LRP1: variants seen among roughly 807,000 people sequenced by gnomAD.
LRP1 encodes the protein LDL receptor related protein 1.
Under a neutral mutation model 541.5 loss-of-function variants are expected in LRP1, and 51 were observed. That is an observed-to-expected ratio of 0.09 (90% CI 0.08 to 0.12). The LOEUF (loss-of-function observed/expected upper bound fraction) is 0.12, where lower values mean the gene tolerates loss of function less well. LRP1 is among the 10% of genes least tolerant of loss of function. LRP1 has a pLI of 1.00. For missense variants in LRP1, 3,878 were observed against 6,376.2 expected (o/e 0.61, Z 13.34); for synonymous variants, 2,219 against 2,470.8 (o/e 0.90, Z 3.02).
rs2036629043 is a variant in LRP1 at position 57,200,611 on chromosome 12, C to CT, written c.10108+77dup. 4 of 1,544,678 alleles carry CT rather than the reference C, an allele frequency of 2.6e-6. No individual in the cohort carries two copies. In the South Asian group the frequency reaches 4.5e-5, roughly 17 times the overall value. ...TGACTCCTGAGGCTTTGAATGGCCA[C>CT]TGGAGAGGCTGGGGCTGTGGTGCCC... is the stretch of plus-strand genomic sequence containing the variant. On this transcript the variant is annotated intron_variant, in intron 63 of 88. Coordinates refer to ENST00000243077, the MANE Select transcript of LRP1 (RefSeq NM_002332.3).
At chr12:57,136,558 C>A (rs17547610) in intron 1 of LRP1, among the ~76,000 whole-genome samples, 17,834 of 152,256 alleles carry the variant, frequency 0.12, 1,325 homozygotes, top group Non-Finnish European at 0.16. Context: ...ATAGAGCTGG[C>A]CTTCAGTGTG....
intron 6 of LRP1, among the ~76,000 whole-genome samples, chr12:57,151,592 C>G (rs2035526489): frequency 6.6e-6 from 1 of 152,240 alleles, no homozygotes; most frequent in Admixed American, 6.5e-5. Context: ...GTTGGTGGAG[C>G]CAGAATGCTC....
Position 57,162,715 on chromosome 12 carries a change from C to A in LRP1, c.2405-143C>A. ...TTCCCTTCCTGCCCCATGTCTGTGT[C>A]TCCTGTTCTTCAACATGATCTTCTT... is the stretch of plus-strand genomic sequence containing the variant. On this transcript the variant is annotated intron_variant, in intron 14 of 88. Transcript: ENST00000243077. This position sits in a 1 kb window ranked among gnomAD's most constrained non-coding sequence, Gnocchi z 5.2. 9.1e-7 allele frequency: 1 copy of A among 1,093,120 alleles called. No homozygotes were observed. Among genetic ancestry groups the A allele is most frequent in the Non-Finnish European group, 1.3e-6 (1 of 762,368 alleles). The allele number at this position is 1,093,120 out of a possible 1,614,324, so 67.7% of individuals were successfully genotyped here. A position where few individuals can be genotyped will look rare whatever the true frequency, so the allele number is the denominator to read the frequency against.
Position 57,160,937 on chromosome 12 carries a change from G to T in LRP1, c.2024G>T (p.Arg675Leu). 4 of 1,613,926 alleles carry T rather than the reference G, an allele frequency of 2.5e-6. No homozygotes were observed. The highest frequency in any genetic ancestry group is 3.4e-6 in the Non-Finnish European group (4 of 1,180,006). ...TGGGAGGAGGACCCCAAGGACAGTC[G>T]GCGTGGGCGGCTGGAGAGGGCGTGG... ...TDWEEDPKDS[R>L]RGRLERAWMD... The change falls in exon 13 of 89, where the codon CGG (arginine) becomes CTG (leucine). Residue 675 changes from arginine to leucine, a missense_variant. Arg to Leu is a moderately radical substitution (Grantham distance 102, BLOSUM62 -2). Coordinates refer to ENST00000243077, the MANE Select transcript of LRP1 (RefSeq NM_002332.3).
rs199860662 is a variant in LRP1 at position 57,211,443 on chromosome 12, C to T, written c.13092-44C>T. On this transcript the variant is annotated intron_variant, in intron 84 of 88. Coordinates refer to ENST00000243077, the MANE Select transcript of LRP1 (RefSeq NM_002332.3). The surrounding 1 kb of genome is among the most constrained non-coding windows in gnomAD (Gnocchi z 4.3). ...CCTCCCTTCCTCAGCATCCCAGGCA[C>T]GCCTCTGCCAGCCCCAGCCCCAGCC... 3.9e-4 allele frequency: 635 copies of T among 1,609,998 alleles called. 1 individual carries two copies. In the East Asian group the frequency reaches 6.4e-3, roughly 16 times the overall value.
chr12:57,166,018 A>T, intron 16 of LRP1, 66 bp from the exon 17 acceptor site: 1 of 1,613,430 alleles, frequency 6.2e-7, no homozygotes, highest in Non-Finnish European at 8.5e-7. Context: ...CAGTGCCTAT[A>T]CTGGAGCGGG....
At chr12:57,176,453 T>A (rs1222292972) in intron 24 of LRP1, among the ~76,000 whole-genome samples, 1 of 152,180 alleles carries the variant, frequency 6.6e-6, no homozygotes, top group Non-Finnish European at 1.5e-5. Context: ...CACCCCAGAC[T>A]TCCTTCAGTC....
intron 1 of LRP1, 88 bp downstream of exon 1, chr12:57,129,119 C>A (rs761534560): frequency 6.6e-6 from 9 of 1,355,954 alleles, no homozygotes; most frequent in Non-Finnish European, 8.2e-6. Context: ...AAGGGAGACG[C>A]GGGAGGGGGT....
intron 15 of LRP1, among the ~76,000 whole-genome samples, chr12:57,163,542 G>A (rs1217799274): frequency 6.6e-6 from 1 of 150,834 alleles, no homozygotes; most frequent in Non-Finnish European, 1.5e-5. Flanking sequence ...TCATGCCACT[G>A]CACTCCAGCC....
Position 57,183,562 on chromosome 12 carries a change from G to T in LRP1, c.5794+52G>T, listed in dbSNP as rs556022723. On this transcript the variant is annotated intron_variant, in intron 35 of 88. Transcript: ENST00000243077. This position sits in a 1 kb window ranked among gnomAD's most constrained non-coding sequence, Gnocchi z 6.1. ...TGGGCGTGGCGTAGGAGCTTTAGGG[G>T]TGGTGTGGTGTGCCCTGAGGGTCCA... The T allele has an allele frequency of 2.5e-5, 39 of 1,576,366 alleles. No homozygotes were observed. In the African/African-American group the frequency reaches 4.7e-4, roughly 19 times the overall value.
At chr12:57,186,087 C>T (rs964154260) in intron 41 of LRP1, among the ~76,000 whole-genome samples, 179 bp downstream of exon 41, 5 of 152,132 alleles carry the variant, frequency 3.3e-5, no homozygotes, top group African/African-American at 1.2e-4. Flanking sequence ...CGTCAGCCCC[C>T]GACTTCCTCC....
intron 3 of LRP1, among the ~76,000 whole-genome samples, chr12:57,141,902 C>T (rs2035299991): frequency 6.6e-6 from 1 of 152,218 alleles, no homozygotes. Flanking sequence ...AGCAGAGGTG[C>T]TGTGACTAAA....
intron 2 of LRP1, 49 bp from the exon 3 acceptor site, chr12:57,141,325 G>A: frequency 6.2e-7 from 1 of 1,611,402 alleles, no homozygotes; most frequent in Non-Finnish European, 8.5e-7. Flanking sequence ...GCTGACCAGA[G>A]AGCCACCATA....
rs969007781 is a variant in LRP1 at position 57,165,131 on chromosome 12, G to A, written c.2531-674G>A. On this transcript the variant is annotated intron_variant, in intron 15 of 88. Transcript: ENST00000243077. This position sits in a 1 kb window ranked among gnomAD's most constrained non-coding sequence, Gnocchi z 4.5. ...CCATGGTCCATGGGATACGGGAGGGGAAATCGCCACCCATGGGGCCATGGG... is the reference window on the plus strand; with the variant it reads ...CCATGGTCCATGGGATACGGGAGGGAAAATCGCCACCCATGGGGCCATGGG... 5.2e-5 allele frequency: 8 copies of A among 152,574 alleles called. No individual in the cohort carries two copies. The highest frequency in any genetic ancestry group is 1.4e-4 in the African/African-American group (6 of 41,442). 9.5% of individuals were successfully genotyped at this position (152,574 alleles called of 1,614,324 possible).
intron 62 of LRP1, 130 bp from the exon 63 acceptor site, chr12:57,200,312 A>G (rs1272703575): frequency 1.0e-5 from 7 of 700,078 alleles, no homozygotes; most frequent in African/African-American, 3.5e-5. Context: ...CGAACTCACC[A>G]TAGCCCAACC....
intron 24 of LRP1, among the ~76,000 whole-genome samples, chr12:57,176,699 G>C (rs1160706758): frequency 6.6e-6 from 1 of 152,152 alleles, no homozygotes; most frequent in Non-Finnish European, 1.5e-5. Flanking sequence ...AGTAAACTGT[G>C]ATGATATCCA....
chr12:57,156,718 T>C lies in LRP1; in HGVS notation c.1418-59T>C. 6.5e-7 allele frequency: 1 copy of C among 1,532,868 alleles called. No individual in the cohort carries two copies. Among genetic ancestry groups the C allele is most frequent in the Non-Finnish European group, 8.8e-7 (1 of 1,131,406 alleles). The allele number at this position is 1,532,868 out of a possible 1,614,324, so 95.0% of individuals were successfully genotyped here. A position where few individuals can be genotyped will look rare whatever the true frequency, so the allele number is the denominator to read the frequency against. Reference sequence around the variant, plus strand: ...GGGTGTGGTCAGATTCAGGAAGCCTTCTCAAGGCCTGGCACAGGGGCTCTG... The same window carrying C: ...GGGTGTGGTCAGATTCAGGAAGCCTCCTCAAGGCCTGGCACAGGGGCTCTG... On this transcript the variant is annotated intron_variant, in intron 9 of 88. Transcript: ENST00000243077. The surrounding 1 kb of genome is among the most constrained non-coding windows in gnomAD (Gnocchi z 5.2).
In LRP1 at chr12:57,167,057, T is replaced by C; in HGVS notation, c.2914+11T>C. ...AGTCTGCTTCGTGTGGTAAGAGGGA[T>C]GGGCAGAGGGAGTCAGGCTGGGCCT... On this transcript the variant is annotated intron_variant, in intron 18 of 88. Coordinates refer to ENST00000243077, the MANE Select transcript of LRP1 (RefSeq NM_002332.3). 2 of 1,608,040 alleles carry C rather than the reference T, an allele frequency of 1.2e-6. No individual in the cohort carries two copies. The highest frequency in any genetic ancestry group is 1.7e-6 in the Non-Finnish European group (2 of 1,174,880).
Position 57,128,535 on chromosome 12 carries a change from C to T in LRP1, c.-430C>T. The stretch of plus-strand genomic sequence containing the variant: ...GCTCCAGGCCCATGCACTGAGGAGG[C>T]GGAAACAAGGGGAGCCCCCAGAGCT... On this transcript the variant is annotated 5_prime_UTR_variant, in exon 1 of 89. Coordinates refer to ENST00000243077, the MANE Select transcript of LRP1 (RefSeq NM_002332.3). 1 of 306,110 alleles carries T rather than the reference C, an allele frequency of 3.3e-6. No individual in the cohort carries two copies. Among genetic ancestry groups the T allele is most frequent in the Non-Finnish European group, 5.9e-6 (1 of 168,718 alleles). The allele number at this position is 306,110 out of a possible 1,614,324, so 19.0% of individuals were successfully genotyped here.
Sources: gnomAD v4.1 joint callset for allele counts (sites outside exome capture counted in the v4.1 genomes callset) on GRCh38, gnomAD v4.1.1 for gene constraint, Gnocchi (gnomAD v3.1) non-coding constraint, MANE v1.5 for transcripts, NCBI Gene and HGNC (gene_info 2026-07-23, HGNC 2026-07-21) for gene names.